The following FGD4 variants were observed in gnomAD, a reference collection of about 807,000 sequenced individuals.
FGD4 encodes FYVE, RhoGEF and PH domain-containing protein 4.
In FGD4, 42 loss-of-function variants were observed where a neutral mutation model predicts 102.0. The observed-to-expected ratio is 0.41, with a 90% CI of 0.32 to 0.53. FGD4 has a LOEUF of 0.53. Among genes scored for constraint, FGD4 ranks in the 20% least tolerant of loss-of-function variants. The probability of loss-of-function intolerance (pLI) is 0.21; values close to 1 mark genes in which losing one functional copy is unlikely to be tolerated. For synonymous variants in FGD4, 380 were observed against 375.7 expected (o/e 1.01, Z -0.13); for missense variants, 902 against 1,078.2 (o/e 0.84, Z 2.29).
At position 32,446,700 on chromosome 12, in the gene FGD4, C is replaced by T. The variant is rs115145452; in HGVS notation, c.166+46741C>T. Among the ~76,000 whole-genome samples, 1,082 of 152,272 alleles carry T rather than the reference C, an allele frequency of 7.1e-3. 12 individuals are homozygous for T. Among genetic ancestry groups the T allele is most frequent in the African/African-American group, 0.025 (1,024 of 41,548 alleles). On this transcript the variant is annotated intron_variant, in intron 1 of 16. Coordinates refer to ENST00000534526, the MANE Select transcript of FGD4 (RefSeq NM_001370298.3). ...GCCAGCGTGCCATATTTTGGAGTAG[C>T]ATGTCCTGAGCCCTATCAACAGCAT... is the stretch of plus-strand genomic sequence containing the variant.
intron 1 of FGD4, among the ~76,000 whole-genome samples, chr12:32,548,629 T>C (rs978367110): frequency 3.3e-5 from 5 of 152,102 alleles, no homozygotes; most frequent in African/African-American, 4.8e-5. Flanking sequence ...GATTTTGCAT[T>C]TGAGAGAAAT....
chr12:32,479,936 G>A (rs1048439748), intron 1 of FGD4, among the ~76,000 whole-genome samples: 1 of 150,748 alleles, frequency 6.6e-6, no homozygotes, highest in African/African-American at 2.4e-5. Flanking sequence ...CCACACATGC[G>A]TACCTCCACA....
Position 32,638,639 on chromosome 12 carries a change from C to T in FGD4, c.2314-16C>T. ...TTGTTGTGTGTTCATTCTGTCTTTCCATTATATTTTTCTAGATTGAATCAG... is the reference window on the plus strand; with the variant it reads ...TTGTTGTGTGTTCATTCTGTCTTTCTATTATATTTTTCTAGATTGAATCAG... On this transcript the variant is annotated splice_polypyrimidine_tract_variant and intron_variant, in intron 15 of 16. Coordinates refer to ENST00000534526, the MANE Select transcript of FGD4 (RefSeq NM_001370298.3). The T allele has an allele frequency of 6.2e-7, 1 of 1,613,912 alleles. No individual in the cohort carries two copies. The highest frequency in any genetic ancestry group is 8.5e-7 in the Non-Finnish European group (1 of 1,179,916).
intron 1 of FGD4, among the ~76,000 whole-genome samples, chr12:32,475,751 A>C (rs1943568339): frequency 1.3e-5 from 2 of 152,222 alleles, no homozygotes; most frequent in South Asian, 4.1e-4. Flanking sequence ...ATGAGGTCTC[A>C]AAAAAGGATC....
chr12:32,524,418 AT>A, intron 1 of FGD4, among the ~76,000 whole-genome samples: 2 of 140,030 alleles, frequency 1.4e-5, no homozygotes, highest in African/African-American at 5.1e-5. Context: ...AAAAAAAAAG[AT>A]AAATTACCTG....
At chr12:32,541,159 T>G (rs1942793767) in intron 1 of FGD4, among the ~76,000 whole-genome samples, 1 of 152,046 alleles carries the variant, frequency 6.6e-6, no homozygotes, top group Non-Finnish European at 1.5e-5. Flanking sequence ...TAGGAAATAA[T>G]GGATAAGCTA....
rs116514939 is a variant in FGD4, at chr12:32,580,336, A to T, written c.504-1624A>T. ...TTGTGGTTCTTAGTAAGCACTTAAT[A>T]AATGTTTCTGGCTGTTATTATTGTC... On this transcript the variant is annotated intron_variant, in intron 3 of 16. Coordinates refer to ENST00000534526, the MANE Select transcript of FGD4 (RefSeq NM_001370298.3). Among the ~76,000 whole-genome samples, 1,029 of 152,294 alleles carry T rather than the reference A, an allele frequency of 6.8e-3. 8 individuals are homozygous for T. The highest frequency in any genetic ancestry group is 0.023 in the African/African-American group (974 of 41,566).
chr12:32,516,498 A>G (rs1376200178), intron 1 of FGD4, among the ~76,000 whole-genome samples: 1 of 152,150 alleles, frequency 6.6e-6, no homozygotes, highest in Non-Finnish European at 1.5e-5. Flanking sequence ...ATTTACTTTG[A>G]GTATCCATGG....
chr12:32,536,268 T>C (rs1193502277), intron 1 of FGD4, among the ~76,000 whole-genome samples: 1 of 152,220 alleles, frequency 6.6e-6, no homozygotes, highest in African/African-American at 2.4e-5. Context: ...AATGTACATG[T>C]AACCTAAACT....
At chr12:32,442,049 T>G (rs1219639592) in intron 1 of FGD4, among the ~76,000 whole-genome samples, 1 of 139,236 alleles carries the variant, frequency 7.2e-6, no homozygotes. Flanking sequence ...TTGTGTTTTT[T>G]TTTTTTTTTG....
intron 1 of FGD4, among the ~76,000 whole-genome samples, chr12:32,405,787 A>T (rs920555746): frequency 9.9e-5 from 15 of 152,074 alleles, no homozygotes; most frequent in African/African-American, 3.6e-4. Flanking sequence ...CAGTCCTTTT[A>T]CAGGGAGATA....
chr12:32,492,406 C>G (rs1182320314), intron 1 of FGD4, among the ~76,000 whole-genome samples: 1 of 152,088 alleles, frequency 6.6e-6, no homozygotes, highest in African/African-American at 2.4e-5. Context: ...TCAGAAAAAC[C>G]CTGATTCTGA....
chr12:32,563,751 C>T (rs938091302), intron 1 of FGD4, among the ~76,000 whole-genome samples: 4 of 152,222 alleles, frequency 2.6e-5, no homozygotes, highest in Non-Finnish European at 4.4e-5. Context: ...GCAATCCCGG[C>T]ACCTCGGGAG....
chr12:32,576,352 C>T lies in FGD4; in HGVS notation c.406C>T (p.Pro136Ser), dbSNP rs1946126419. 2 of 1,614,076 alleles carry T rather than the reference C, an allele frequency of 1.2e-6. No individual in the cohort carries two copies. Among genetic ancestry groups the T allele is most frequent in the Non-Finnish European group, 1.7e-6 (2 of 1,180,010 alleles). The change falls in exon 3 of 17, where the codon CCA becomes TCA. Residue 136 changes from proline to serine, a missense_variant. By Grantham distance (74) the Pro-to-Ser change is moderately conservative. This residue lies in a region of FGD4 where 443 missense variants were observed against 459.2 expected (regional missense o/e 0.96). Coordinates refer to ENST00000534526, the MANE Select transcript of FGD4 (RefSeq NM_001370298.3). ...PRHKALPSAK[P>S]RMEEIKPASA... ...GCATAAAGCTTTACCTAGTGCAAAA[C>T]CAAGGATGGAGGAAATTAAACCTGC...
intron 1 of FGD4, 92 bp downstream of exon 1, chr12:32,400,051 C>G (rs755145095): frequency 7.2e-6 from 10 of 1,389,740 alleles, no homozygotes; most frequent in African/African-American, 1.5e-5. Context: ...GCCCTCTCGT[C>G]CCCCGCTGCG....
intron 1 of FGD4, among the ~76,000 whole-genome samples, chr12:32,472,141 G>C (rs990288730): frequency 6.6e-6 from 1 of 152,206 alleles, no homozygotes; most frequent in Admixed American, 6.5e-5. Context: ...AGTCCTCAGA[G>C]CCCTCGCTTG....
At chr12:32,463,403 C>G (rs978302383) in intron 1 of FGD4, among the ~76,000 whole-genome samples, 1 of 152,138 alleles carries the variant, frequency 6.6e-6, no homozygotes, top group Non-Finnish European at 1.5e-5. Flanking sequence ...GATTAAAATA[C>G]CAACTTTTGG....
intron 1 of FGD4, among the ~76,000 whole-genome samples, chr12:32,455,314 A>G (rs79003560): frequency 0.038 from 5,782 of 152,176 alleles, 171 homozygotes; most frequent in South Asian, 0.12. Flanking sequence ...AAAATTTTTT[A>G]TTTATATTTA....
rs118203974 is a variant in FGD4, at chr12:32,601,410, C to T, written c.1234C>T (p.Arg412Ter). The T allele has an allele frequency of 3.7e-6, 6 of 1,613,548 alleles. No individual in the cohort carries two copies. Among genetic ancestry groups the T allele is most frequent in the African/African-American group, 1.3e-5 (1 of 74,836 alleles). Residue 412 changes from arginine to a stop codon, truncating the protein, a stop_gained, in exon 6 of 17, where the codon CGA becomes TGA. Transcript: ENST00000534526. LOFTEE classifies it high-confidence loss of function. ...ATTCCTCTTGCCAGAGCTGGAGAAA[C>T]GAATGCAAGAATGGTAAGAGGAGTA... ...SKFLLPELEK[R>*]MQEWETTPRI...
Sources: allele counts gnomAD v4.1 joint callset (sites outside exome capture counted in the v4.1 genomes callset), GRCh38; gene constraint gnomAD v4.1.1; regional missense constraint gnomAD v4.1.1; transcripts MANE v1.5; gene names NCBI Gene and HGNC (gene_info 2026-07-23, HGNC 2026-07-21).